Variants in PRELID2 observed in about 807,000 individuals in gnomAD.
PRELID2 encodes PRELI domain containing 2, also known as PRELI domain-containing protein 2.
Under a neutral mutation model 28.4 loss-of-function variants are expected in PRELID2, and 25 were observed. The ratio of observed to expected loss-of-function variants is 0.88; its 90% confidence interval spans 0.64 to 1.23. The LOEUF is 1.23. Among genes scored for constraint, PRELID2 ranks in the 50% most tolerant of loss-of-function variants. The pLI is 0.00. For missense variants in PRELID2, 201 were observed against 214.4 expected (o/e 0.94, Z 0.39); for synonymous variants, 76 against 71.6 (o/e 1.06, Z -0.31).
intron 1 of PRELID2, among the ~76,000 whole-genome samples, chr5:145,704,780 G>A (rs994583792): frequency 2.6e-5 from 4 of 152,158 alleles, no homozygotes; most frequent in Non-Finnish European, 5.9e-5. Flanking sequence ...GGGCCCGAAA[G>A]GGAATATAGT....
chr5:145,343,237 A>G, the PRELID2 span, among the ~76,000 whole-genome samples: 368 of 152,130 alleles, frequency 2.4e-3, no homozygotes, highest in African/African-American at 8.4e-3. Flanking sequence ...TTATTGGCAC[A>G]TCGAACATTC....
chr5:145,723,666 A>G (rs1014208355), intron 1 of PRELID2, among the ~76,000 whole-genome samples: 9 of 152,220 alleles, frequency 5.9e-5, no homozygotes, highest in African/African-American at 2.2e-4. Flanking sequence ...CTCTTCTATC[A>G]CATTGGCAAA....
At chr5:145,354,973 A>G in the PRELID2 span, among the ~76,000 whole-genome samples, 1 of 152,162 alleles carries the variant, frequency 6.6e-6, no homozygotes, top group Admixed American at 6.5e-5. Flanking sequence ...TAAAGACCAA[A>G]CAAAATTGAT....
At chr5:145,337,205 T>C in the PRELID2 span, among the ~76,000 whole-genome samples, 1 of 150,302 alleles carries the variant, frequency 6.7e-6, no homozygotes, top group South Asian at 2.1e-4. Flanking sequence ...ATGAAGAAAA[T>C]AATAAAGATT....
At chr5:145,288,121 T>G in the PRELID2 span, among the ~76,000 whole-genome samples, 1 of 152,216 alleles carries the variant, frequency 6.6e-6, no homozygotes, top group Non-Finnish European at 1.5e-5. Flanking sequence ...GTACTATTAG[T>G]TTCCTACACT....
intron 6 of PRELID2, among the ~76,000 whole-genome samples, chr5:145,763,544 T>C (rs1757577465): frequency 6.6e-6 from 1 of 152,208 alleles, no homozygotes; most frequent in Admixed American, 6.5e-5. Flanking sequence ...CCGAATGATG[T>C]TCATTCACAG....
At chr5:145,655,014 C>T (rs1754369022) in intron 1 of PRELID2, among the ~76,000 whole-genome samples, 1 of 151,870 alleles carries the variant, frequency 6.6e-6, no homozygotes, top group Admixed American at 6.6e-5. Flanking sequence ...CGTCTCAACC[C>T]AAAATCTCCT....
intron 1 of PRELID2, among the ~76,000 whole-genome samples, chr5:145,731,034 G>A (rs1264070350): frequency 2.6e-5 from 4 of 152,208 alleles, no homozygotes; most frequent in African/African-American, 9.6e-5. Flanking sequence ...AAGCACTCCT[G>A]ATAGAAATTG....
chr5:145,561,904 C>T (rs148672368), intron 1 of PRELID2, among the ~76,000 whole-genome samples: 12 of 152,238 alleles, frequency 7.9e-5, no homozygotes, highest in East Asian at 7.7e-4. Context: ...ACTTCAGAGA[C>T]GAAAGTCATG....
chr5:145,740,319 T>A (rs1344862014), intron 1 of PRELID2, among the ~76,000 whole-genome samples: 19 of 84,594 alleles, frequency 2.2e-4, no homozygotes, highest in East Asian at 7.3e-4. Context: ...TATATATATA[T>A]AAATCCTAAA....
At chr5:145,235,527 G>A in the PRELID2 span, among the ~76,000 whole-genome samples, 51 of 152,254 alleles carry the variant, frequency 3.3e-4, no homozygotes, top group African/African-American at 1.0e-3. Context: ...CACTCAAATC[G>A]TCCCTGGTGG....
At chr5:145,440,132 C>T in the PRELID2 span, among the ~76,000 whole-genome samples, 4 of 152,090 alleles carry the variant, frequency 2.6e-5, no homozygotes, top group East Asian at 1.9e-4. Flanking sequence ...ATTGCCCCTC[C>T]TGCATGGATG....
At chr5:145,612,605 G>C (rs1228459720) in intron 1 of PRELID2, among the ~76,000 whole-genome samples, 1 of 151,722 alleles carries the variant, frequency 6.6e-6, no homozygotes, top group African/African-American at 2.4e-5. Context: ...TTTATCCCTC[G>C]CCCTCCTTCC....
the PRELID2 span, among the ~76,000 whole-genome samples, chr5:145,459,814 T>A: frequency 8.5e-6 from 1 of 117,406 alleles, no homozygotes; most frequent in African/African-American, 4.7e-5. Context: ...TACAATTTAA[T>A]TTTTTTTTTT....
intron 1 of PRELID2, among the ~76,000 whole-genome samples, chr5:145,532,865 G>A (rs28575672): frequency 0.11 from 16,495 of 151,926 alleles, 922 homozygotes; most frequent in Non-Finnish European, 0.12. Flanking sequence ...TTCACCTGTC[G>A]ATGCACACTT....
At chr5:145,409,880 T>G in the PRELID2 span, among the ~76,000 whole-genome samples, 1 of 152,100 alleles carries the variant, frequency 6.6e-6, no homozygotes, top group Non-Finnish European at 1.5e-5. Flanking sequence ...AGAACAAATC[T>G]GGAGGCTTCA....
At chr5:145,412,630 G>A in the PRELID2 span, among the ~76,000 whole-genome samples, 2 of 152,162 alleles carry the variant, frequency 1.3e-5, no homozygotes, top group Non-Finnish European at 2.9e-5. Flanking sequence ...CCTCCAAACT[G>A]TTCCAACCTC....
the PRELID2 span, among the ~76,000 whole-genome samples, chr5:145,342,290 TTACTA>T: frequency 5.7e-4 from 86 of 152,140 alleles, 1 homozygote; most frequent in African/African-American, 2.0e-3. Flanking sequence ...AGGATGACAT[TTACTA>T]TCATGAAAAC....
intron 1 of PRELID2, among the ~76,000 whole-genome samples, chr5:145,692,004 C>T (rs1678445996): frequency 6.6e-6 from 1 of 152,170 alleles, no homozygotes; most frequent in South Asian, 2.1e-4. Context: ...AGACCTATCA[C>T]AAGCGAGTCC....
Sources: allele counts gnomAD v4.1 joint callset (sites outside exome capture counted in the v4.1 genomes callset), GRCh38; gene constraint gnomAD v4.1.1; transcripts MANE v1.5; gene names NCBI Gene and HGNC (gene_info 2026-07-23, HGNC 2026-07-21).